AGBL4: variants seen among roughly 807,000 people sequenced by gnomAD.
AGBL4 encodes cytosolic carboxypeptidase 6.
In AGBL4, 58 loss-of-function variants were observed where a neutral mutation model predicts 66.4. The observed-to-expected ratio is 0.87, with a 90% CI of 0.71 to 1.09. AGBL4 has a LOEUF of 1.09. AGBL4 is among the 50% of genes least tolerant of loss of function. The pLI, the probability that AGBL4 is intolerant of heterozygous loss-of-function variation, is 0.00. For missense variants in AGBL4, 579 were observed against 631.0 expected (o/e 0.92, Z 0.88); for synonymous variants, 234 against 222.9 (o/e 1.05, Z -0.44).
At chr1:48,792,613 A>T (rs1419042156) in intron 6 of AGBL4, among the ~76,000 whole-genome samples, 2 of 152,204 alleles carry the variant, frequency 1.3e-5, no homozygotes, top group Non-Finnish European at 2.9e-5. Flanking sequence ...CAGGCAGTCC[A>T]TGTCTGCCTG....
At chr1:49,538,333 T>G (rs1418012937) in intron 3 of AGBL4, among the ~76,000 whole-genome samples, 1 of 152,194 alleles carries the variant, frequency 6.6e-6, no homozygotes, top group Non-Finnish European at 1.5e-5. Context: ...TATTGGCATC[T>G]TCTCATCTAT....
chr1:48,745,213 A>G (rs1223231018), intron 6 of AGBL4, among the ~76,000 whole-genome samples: 1 of 152,144 alleles, frequency 6.6e-6, no homozygotes, highest in Non-Finnish European at 1.5e-5. Flanking sequence ...GGCTGGGAGA[A>G]AGATTCTGAA....
At chr1:48,682,162 G>A (rs1453914529) in intron 6 of AGBL4, among the ~76,000 whole-genome samples, 1 of 152,150 alleles carries the variant, frequency 6.6e-6, no homozygotes, top group Non-Finnish European at 1.5e-5. Context: ...AGAAGAAACA[G>A]CCCTGCCAAT....
At chr1:49,683,250 C>T (rs942386515) in intron 3 of AGBL4, among the ~76,000 whole-genome samples, 6 of 152,056 alleles carry the variant, frequency 3.9e-5, no homozygotes, top group African/African-American at 1.4e-4. Context: ...CCTAAAAAAG[C>T]GGAGTCTTGA....
intron 3 of AGBL4, among the ~76,000 whole-genome samples, chr1:49,476,761 A>C (rs961888104): frequency 6.6e-6 from 1 of 152,034 alleles, no homozygotes; most frequent in Admixed American, 6.6e-5. Flanking sequence ...TGTGTGATAG[A>C]TCTTTCTCCA....
At chr1:49,009,249 C>A (rs1557554387) in intron 5 of AGBL4, among the ~76,000 whole-genome samples, 1 of 152,138 alleles carries the variant, frequency 6.6e-6, no homozygotes, top group Non-Finnish European at 1.5e-5. Context: ...ACTACAAACA[C>A]CTCTACGCAA....
chr1:49,106,235 T>A (rs1645289766), intron 4 of AGBL4, among the ~76,000 whole-genome samples: 1 of 152,208 alleles, frequency 6.6e-6, no homozygotes, highest in Non-Finnish European at 1.5e-5. Flanking sequence ...TGATACTGCC[T>A]TTACCAAAAG....
chr1:49,867,466 T>C (rs902957193), intron 1 of AGBL4, among the ~76,000 whole-genome samples: 4 of 150,728 alleles, frequency 2.7e-5, no homozygotes, highest in African/African-American at 9.8e-5. Context: ...ATTAGGTATA[T>C]CTCCCAATGC....
intron 3 of AGBL4, among the ~76,000 whole-genome samples, chr1:49,464,276 T>C (rs993730470): frequency 3.3e-5 from 5 of 151,732 alleles, no homozygotes; most frequent in Admixed American, 6.6e-5. Flanking sequence ...TGCTTAGACC[T>C]AAATGGAGAT....
intron 5 of AGBL4, among the ~76,000 whole-genome samples, chr1:49,007,751 C>T (rs1028205403): frequency 2.0e-4 from 31 of 151,536 alleles, no homozygotes; most frequent in Admixed American, 5.3e-4. Flanking sequence ...GAATTTTCAA[C>T]CCAGAATTTC....
chr1:48,671,023 T>C (rs1646268488), intron 6 of AGBL4, among the ~76,000 whole-genome samples: 1 of 152,220 alleles, frequency 6.6e-6, no homozygotes, highest in African/African-American at 2.4e-5. Flanking sequence ...GGGCTGGCCC[T>C]GTGTCCTGAA....
chr1:49,944,401 C>G (rs978596503), intron 1 of AGBL4, among the ~76,000 whole-genome samples: 2 of 152,208 alleles, frequency 1.3e-5, no homozygotes, highest in Admixed American at 1.3e-4. Context: ...CCCCCAGTAA[C>G]AGCCCAAAGC....
chr1:49,051,735 A>G (rs556146500), intron 4 of AGBL4, among the ~76,000 whole-genome samples: 1 of 152,152 alleles, frequency 6.6e-6, no homozygotes, highest in East Asian at 1.9e-4. Context: ...TCTAATTCCA[A>G]TCCTATCTTC....
At chr1:49,516,502 G>A (rs1649837909) in intron 3 of AGBL4, among the ~76,000 whole-genome samples, 1 of 152,054 alleles carries the variant, frequency 6.6e-6, no homozygotes, top group Middle Eastern at 3.2e-3. Context: ...GCATTGCTGT[G>A]GGATAACATT....
chr1:49,457,928 T>G (rs535419064), intron 3 of AGBL4, among the ~76,000 whole-genome samples: 1 of 151,994 alleles, frequency 6.6e-6, no homozygotes, highest in South Asian at 2.1e-4. Flanking sequence ...TGTGCCTATT[T>G]TTATACCTCT....
chr1:48,803,178 C>T (rs909407152), intron 6 of AGBL4, among the ~76,000 whole-genome samples: 5 of 152,322 alleles, frequency 3.3e-5, no homozygotes, highest in Admixed American at 1.3e-4. Context: ...AGAGGACACC[C>T]TCCCTCTTCT....
At chr1:48,916,547 GACACAC>G (rs141195869) in intron 5 of AGBL4, among the ~76,000 whole-genome samples, 1 of 150,092 alleles carries the variant, frequency 6.7e-6, no homozygotes, top group Non-Finnish European at 1.5e-5. Context: ...GTGTGTGTGT[GACACAC>G]ACACACACAC....
intron 2 of AGBL4, among the ~76,000 whole-genome samples, chr1:49,705,504 T>A (rs2124639243): frequency 6.6e-6 from 1 of 152,278 alleles, no homozygotes; most frequent in African/African-American, 2.4e-5. Flanking sequence ...TTTGACTTCC[T>A]CTCTTCCTAT....
At chr1:49,553,473 G>T (rs1444373010) in intron 3 of AGBL4, among the ~76,000 whole-genome samples, 1 of 152,192 alleles carries the variant, frequency 6.6e-6, no homozygotes, top group Non-Finnish European at 1.5e-5. Flanking sequence ...TTCTAGGGTA[G>T]TCTATAATAG....
Sources: allele counts gnomAD v4.1 joint callset (sites outside exome capture counted in the v4.1 genomes callset), GRCh38; gene constraint gnomAD v4.1.1; transcripts MANE v1.5; gene names NCBI Gene and HGNC (gene_info 2026-07-23, HGNC 2026-07-21).